GLCCI1: variants seen among roughly 807,000 people sequenced by gnomAD.
The protein encoded by GLCCI1 is glucocorticoid induced 1, also known as glucocorticoid-induced transcript 1 protein.
Under a neutral mutation model 52.2 loss-of-function variants are expected in GLCCI1, and 24 were observed. The observed-to-expected ratio is 0.46, with a 90% CI of 0.33 to 0.65. GLCCI1 has a LOEUF of 0.65. GLCCI1 is among the 30% of genes least tolerant of loss of function. GLCCI1 has a pLI of 0.02. For synonymous variants in GLCCI1, 310 were observed against 276.5 expected (o/e 1.12, Z -1.20); for missense variants, 704 against 701.5 (o/e 1.00, Z -0.04).
rs56281139 is a variant in GLCCI1 at position 8,040,692 on chromosome 7, A to C, written c.697-14741A>C. ...AAAACACTTTGCTAGTTTCTCAAAAAGGTAAACAGAAATTTAGCATACAAC... is the reference window on the plus strand; with the variant it reads ...AAAACACTTTGCTAGTTTCTCAAAACGGTAAACAGAAATTTAGCATACAAC... On this transcript the variant is annotated intron_variant, in intron 3 of 7. Coordinates refer to ENST00000223145, the MANE Select transcript of GLCCI1 (RefSeq NM_138426.4). 6.9e-3 allele frequency among the ~76,000 whole-genome samples: 1,052 copies of C among 152,332 alleles called. 7 individuals carry two copies. Among genetic ancestry groups the C allele is most frequent in the African/African-American group, 0.024 (983 of 41,572 alleles).
At chr7:8,038,641 C>T (rs1347046810) in intron 3 of GLCCI1, among the ~76,000 whole-genome samples, 1 of 152,118 alleles carries the variant, frequency 6.6e-6, no homozygotes, top group African/African-American at 2.4e-5. Context: ...AGACCTGAAC[C>T]TATAAACATT....
chr7:8,040,009 A>G (rs1459766267), intron 3 of GLCCI1, among the ~76,000 whole-genome samples: 1 of 151,586 alleles, frequency 6.6e-6, no homozygotes, highest in Non-Finnish European at 1.5e-5. Context: ...AAAAAAAAAA[A>G]AAAAGAAGAA....
chr7:8,065,455 G>A (rs930500036), intron 5 of GLCCI1, among the ~76,000 whole-genome samples: 4 of 151,748 alleles, frequency 2.6e-5, no homozygotes, highest in African/African-American at 7.2e-5. Flanking sequence ...AACAGGAGTG[G>A]TGAGAGGGCA....
At chr7:8,078,670 CAT>C (rs1782925357) in intron 6 of GLCCI1, 1 of 151,900 alleles carries the variant, frequency 6.6e-6, no homozygotes, top group Non-Finnish European at 1.5e-5. Flanking sequence ...GATGAGGAGA[CAT>C]AGCAAGGTCA....
rs779660148 is a variant in GLCCI1 at position 7,985,419 on chromosome 7, A to G, written c.457+15612A>G. On this transcript the variant is annotated intron_variant, in intron 1 of 7. Transcript: ENST00000223145. The stretch of plus-strand genomic sequence containing the variant: ...TTTCATAATACTTTAGGTAATTTTA[A>G]TATACTGAGGGATAGTGACTTAGGA... Among the ~76,000 whole-genome samples, 17 of 152,276 alleles carry G rather than the reference A, an allele frequency of 1.1e-4. No individual in the cohort carries two copies. In the East Asian group the frequency reaches 1.5e-3, roughly 14 times the overall value.
intron 3 of GLCCI1, among the ~76,000 whole-genome samples, chr7:8,055,170 C>A (rs1307533876): frequency 6.6e-6 from 1 of 152,022 alleles, no homozygotes; most frequent in Admixed American, 6.5e-5. Flanking sequence ...AAGGTAAAAT[C>A]TGAAATAATC....
Position 7,969,851 on chromosome 7 carries a change from G to A in GLCCI1, c.457+44G>A. ...CCGTCCTCCCGGGCTGCGTCTCCCC[G>A]ACGGTGCCCTCCGTGGAAACTTCAG... On this transcript the variant is annotated intron_variant, in intron 1 of 7. Transcript: ENST00000223145. This position sits in a 1 kb window ranked among gnomAD's most constrained non-coding sequence, Gnocchi z 4.9. 1 of 1,354,994 alleles carries A rather than the reference G, an allele frequency of 7.4e-7. No homozygotes were observed. The highest frequency in any genetic ancestry group is 9.6e-7 in the Non-Finnish European group (1 of 1,045,446). 83.9% of individuals were successfully genotyped at this position (1,354,994 alleles called of 1,614,324 possible).
rs1276420757 is a variant in GLCCI1 at position 8,071,014 on chromosome 7, C to A, written c.1060C>A (p.Gln354Lys). Residue 354 changes from glutamine (Q) to lysine (K), a missense_variant, in exon 6 of 8, where the codon CAG becomes AAG. Gln to Lys is a moderately conservative substitution (Grantham distance 53, BLOSUM62 1). Coordinates refer to ENST00000223145, the MANE Select transcript of GLCCI1 (RefSeq NM_138426.4). ...CATTGACACTCAGACTCCTTCTGTCCAGGAGCGCAGCAGTAGCTGCAGCAG... is the reference window on the plus strand; with the variant it reads ...CATTGACACTCAGACTCCTTCTGTCAAGGAGCGCAGCAGTAGCTGCAGCAG... ...RSIDTQTPSVQERSSSCSSHS... is the reference protein window; with the variant it reads ...RSIDTQTPSVKERSSSCSSHS... The A allele has an allele frequency of 6.2e-7, 1 of 1,614,152 alleles. No homozygotes were observed. Among genetic ancestry groups the A allele is most frequent in the Non-Finnish European group, 8.5e-7 (1 of 1,180,012 alleles).
chr7:8,054,572 T>G (rs1028515544), intron 3 of GLCCI1, among the ~76,000 whole-genome samples: 1 of 152,182 alleles, frequency 6.6e-6, no homozygotes, highest in African/African-American at 2.4e-5. Flanking sequence ...ACTAATTTTC[T>G]ATTGCCATGG....
intron 3 of GLCCI1, among the ~76,000 whole-genome samples, chr7:8,053,315 G>A (rs59740758): frequency 1.6e-4 from 21 of 129,988 alleles, no homozygotes; most frequent in African/African-American, 6.0e-4. Flanking sequence ...TTTTGTTTTC[G>A]TTTTTTTTTT....
At chr7:8,039,187 T>C (rs930765480) in intron 3 of GLCCI1, among the ~76,000 whole-genome samples, 1 of 152,148 alleles carries the variant, frequency 6.6e-6, no homozygotes, top group African/African-American at 2.4e-5. Context: ...TGCAAAAATA[T>C]GGAGATTTCT....
intron 3 of GLCCI1, among the ~76,000 whole-genome samples, chr7:8,023,258 G>T (rs531224013): frequency 6.6e-6 from 1 of 152,042 alleles, no homozygotes; most frequent in Non-Finnish European, 1.5e-5. Flanking sequence ...CTCGTGATCC[G>T]CCCGCCTTGG....
chr7:8,010,481 C>T (rs1458821160), intron 2 of GLCCI1, among the ~76,000 whole-genome samples: 1 of 152,166 alleles, frequency 6.6e-6, no homozygotes, highest in African/African-American at 2.4e-5. Context: ...TATAAAATCT[C>T]TGTGCTTCTC....
chr7:8,001,986 C>A (rs38006), intron 1 of GLCCI1, among the ~76,000 whole-genome samples: 67,192 of 151,814 alleles, frequency 0.44, 15,067 homozygotes, highest in Middle Eastern at 0.51. Context: ...TAGGAGAAAT[C>A]CCTAATGTAA....
intron 6 of GLCCI1, among the ~76,000 whole-genome samples, chr7:8,080,981 C>T (rs1160115178): frequency 4.6e-5 from 7 of 151,716 alleles, no homozygotes; most frequent in Non-Finnish European, 7.4e-5. Flanking sequence ...AGCGCTTATC[C>T]TAATCCTTTT....
At chr7:8,057,061 G>A (rs1482636494) in intron 4 of GLCCI1, among the ~76,000 whole-genome samples, 1 of 152,144 alleles carries the variant, frequency 6.6e-6, no homozygotes, top group Non-Finnish European at 1.5e-5. Flanking sequence ...GTGTTGATGA[G>A]GATGTGGAAC....
chr7:7,980,460 C>T (rs770259105), intron 1 of GLCCI1: 68 of 299,662 alleles, frequency 2.3e-4, no homozygotes, highest in Middle Eastern at 8.3e-4. Flanking sequence ...AGAAGGTACT[C>T]GCCTGCTTTA....
In GLCCI1 at chr7:8,022,668, C is replaced by T. The variant is rs543489933; in HGVS notation, c.696+99C>T. ...TGACACTTTTAAAATTTATCCTAACCTTACCTCTTTCAGTAAGGTTAGGAC... is the reference window on the plus strand; with the variant it reads ...TGACACTTTTAAAATTTATCCTAACTTTACCTCTTTCAGTAAGGTTAGGAC... On this transcript the variant is annotated intron_variant, in intron 3 of 7. Coordinates refer to ENST00000223145, the MANE Select transcript of GLCCI1 (RefSeq NM_138426.4). The T allele has an allele frequency of 1.9e-5, 11 of 575,158 alleles. 1 individual carries two copies. In the Middle Eastern group the frequency reaches 1.8e-3, roughly 94 times the overall value. The allele number at this position is 575,158 out of a possible 1,614,324, so 35.6% of individuals were successfully genotyped here.
intron 6 of GLCCI1, among the ~76,000 whole-genome samples, chr7:8,075,477 A>G (rs1287594938): frequency 1.3e-5 from 2 of 152,210 alleles, no homozygotes; most frequent in African/African-American, 4.8e-5. Flanking sequence ...ACATTCTTCC[A>G]CATTATCATA....
Sources: allele counts gnomAD v4.1 joint callset (sites outside exome capture counted in the v4.1 genomes callset), GRCh38; gene constraint gnomAD v4.1.1; non-coding constraint Gnocchi (gnomAD v3.1); transcripts MANE v1.5; gene names NCBI Gene and HGNC (gene_info 2026-07-23, HGNC 2026-07-21).